Variants in TENM3 observed in about 807,000 individuals in gnomAD.
TENM3 encodes the protein teneurin transmembrane protein 3, also known as teneurin-3.
A neutral mutation model predicts 255.1 loss-of-function variants in TENM3; 63 were observed. The ratio of observed to expected loss-of-function variants is 0.25; its 90% CI spans 0.20 to 0.30. The LOEUF (loss-of-function observed/expected upper bound fraction) is 0.30. Among genes scored for constraint, TENM3 ranks in the 10% least tolerant of loss-of-function variants. TENM3 has a pLI of 1.00. For missense variants in TENM3, 2,929 were observed against 3,461.1 expected (o/e 0.85, Z 3.86); for synonymous variants, 1,306 against 1,322.3 (o/e 0.99, Z 0.27).
the TENM3 span, among the ~76,000 whole-genome samples, chr4:181,794,345 CTAT>C: frequency 2.0e-5 from 3 of 151,610 alleles, no homozygotes; most frequent in East Asian, 2.0e-4. Context: ...GTGCAATAGA[CTAT>C]TATTAACTGT....
the TENM3 span, among the ~76,000 whole-genome samples, chr4:181,817,614 G>C: frequency 1.3e-5 from 2 of 152,184 alleles, no homozygotes; most frequent in Non-Finnish European, 2.9e-5. Flanking sequence ...CCTTAGGAAA[G>C]TGATCGGGTT....
At chr4:182,069,342 C>A in the TENM3 span, among the ~76,000 whole-genome samples, 4 of 152,114 alleles carry the variant, frequency 2.6e-5, no homozygotes, top group African/African-American at 9.7e-5. Context: ...TGTATCATAA[C>A]ATCATGAAAT....
chr4:182,371,974 G>A (rs1766850584), intron 3 of TENM3, among the ~76,000 whole-genome samples: 1 of 152,158 alleles, frequency 6.6e-6, no homozygotes, highest in Admixed American at 6.5e-5. Context: ...GCTGTTCCAC[G>A]AACCTGATAT....
At chr4:181,981,086 C>T in the TENM3 span, among the ~76,000 whole-genome samples, 1 of 152,168 alleles carries the variant, frequency 6.6e-6, no homozygotes, top group Non-Finnish European at 1.5e-5. Flanking sequence ...TCCTCTCCTC[C>T]TCCTGTGGTT....
At chr4:181,877,482 A>G in the TENM3 span, among the ~76,000 whole-genome samples, 1 of 152,156 alleles carries the variant, frequency 6.6e-6, no homozygotes, top group Non-Finnish European at 1.5e-5. Flanking sequence ...TAGTTTTTTT[A>G]TATTTAGTTT....
the TENM3 span, among the ~76,000 whole-genome samples, chr4:182,040,301 G>A: frequency 6.7e-6 from 1 of 150,040 alleles, no homozygotes; most frequent in Non-Finnish European, 1.5e-5. Context: ...GAGGAGAGGA[G>A]AGGGAGAAGG....
chr4:182,577,901 A>G (rs1041074519), intron 3 of TENM3, among the ~76,000 whole-genome samples: 1 of 152,152 alleles, frequency 6.6e-6, no homozygotes, highest in Admixed American at 6.6e-5. Context: ...TTCCCTCCTG[A>G]GGAGGATTCC....
chr4:182,134,001 A>G, the TENM3 span, among the ~76,000 whole-genome samples: 1 of 152,146 alleles, frequency 6.6e-6, no homozygotes, highest in African/African-American at 2.4e-5. Context: ...CCAGAAACGT[A>G]TATGTTCTCA....
intron 3 of TENM3, among the ~76,000 whole-genome samples, chr4:182,518,040 C>T (rs1399134014): frequency 6.6e-6 from 1 of 152,042 alleles, no homozygotes; most frequent in Non-Finnish European, 1.5e-5. Context: ...GATCTTTTTC[C>T]TTCTCTTTTC....
At chr4:181,717,895 C>A in the TENM3 span, among the ~76,000 whole-genome samples, 4 of 152,096 alleles carry the variant, frequency 2.6e-5, no homozygotes, top group Admixed American at 2.0e-4. Context: ...TCTATACCTT[C>A]GCGGGATAAC....
chr4:182,752,200 A>G (rs1053825629), intron 20 of TENM3, among the ~76,000 whole-genome samples, 168 bp downstream of exon 20: 4 of 152,160 alleles, frequency 2.6e-5, no homozygotes, highest in Non-Finnish European at 4.4e-5. Context: ...AAAGCCATGT[A>G]GCATGAAACT....
chr4:182,327,482 A>T lies in TENM3; in HGVS notation c.232+3230A>T, dbSNP rs1378591193. ...GAAATATGATGTTTTTATATTTTTA[A>T]TTGACCAATTTTATGTCTAATTATC... On this transcript the variant is annotated intron_variant, in intron 2 of 27. Transcript: ENST00000511685. Among the ~76,000 whole-genome samples the T allele has an allele frequency of 6.0e-5, 9 of 150,090 alleles. No individual in the cohort carries two copies. In the East Asian group the frequency reaches 1.8e-3, roughly 29 times the overall value.
At chr4:181,569,976 A>G in the TENM3 span, among the ~76,000 whole-genome samples, 6 of 152,062 alleles carry the variant, frequency 3.9e-5, no homozygotes, top group Non-Finnish European at 5.9e-5. Context: ...GTGTGCAGGT[A>G]AAAGAGAGTT....
chr4:182,646,233 A>G (rs759133513), intron 5 of TENM3, among the ~76,000 whole-genome samples: 6 of 152,234 alleles, frequency 3.9e-5, no homozygotes, highest in Non-Finnish European at 8.8e-5. Context: ...TAACTCCAAT[A>G]TATGTCCAGG....
At chr4:181,470,321 A>G in the TENM3 span, among the ~76,000 whole-genome samples, 1 of 151,978 alleles carries the variant, frequency 6.6e-6, no homozygotes, top group African/African-American at 2.4e-5. Flanking sequence ...GCTTCTTTTG[A>G]AAGCCCTCTG....
At chr4:182,208,905 A>G (rs574586238) in intron 1 of TENM3, among the ~76,000 whole-genome samples, 2 of 151,802 alleles carry the variant, frequency 1.3e-5, no homozygotes, top group South Asian at 4.2e-4. Flanking sequence ...TCCAGCTGTC[A>G]CTTTCCATGA....
chr4:181,606,473 A>C, the TENM3 span, among the ~76,000 whole-genome samples: 1 of 152,062 alleles, frequency 6.6e-6, no homozygotes, highest in African/African-American at 2.4e-5. Flanking sequence ...TCTCAGTTAC[A>C]TACTGTGTGC....
At chr4:181,685,673 A>G in the TENM3 span, among the ~76,000 whole-genome samples, 1 of 152,342 alleles carries the variant, frequency 6.6e-6, no homozygotes, top group South Asian at 2.1e-4. Context: ...GCAATCCAGA[A>G]TAATGCCAAA....
chr4:181,619,813 G>A, the TENM3 span, among the ~76,000 whole-genome samples: 3 of 152,112 alleles, frequency 2.0e-5, no homozygotes, highest in African/African-American at 7.2e-5. Flanking sequence ...AGAGTCATTT[G>A]GAAAGTGAGA....
Sources: gnomAD v4.1 joint callset for allele counts (sites outside exome capture counted in the v4.1 genomes callset) on GRCh38, gnomAD v4.1.1 for gene constraint, MANE v1.5 for transcripts, NCBI Gene and HGNC (gene_info 2026-07-23, HGNC 2026-07-21) for gene names.